The following RARB variants were observed in gnomAD, a reference collection of about 807,000 sequenced individuals.
The protein encoded by RARB is retinoic acid receptor beta.
Under a neutral mutation model 51.9 loss-of-function variants are expected in RARB, and 17 were observed. That is an observed-to-expected ratio of 0.33 (90% CI 0.22 to 0.49). The LOEUF (loss-of-function observed/expected upper bound fraction) is 0.49, where lower values mean the gene tolerates loss of function less well. Ranked by LOEUF, RARB falls within the 20% of genes least tolerant of loss-of-function variation. The pLI, the probability that RARB is intolerant of heterozygous loss-of-function variation, is 0.99. For missense variants in RARB, 369 were observed against 550.8 expected (o/e 0.67, Z 3.30); for synonymous variants, 215 against 195.4 (o/e 1.10, Z -0.84).
intron 5 of RARB, among the ~76,000 whole-genome samples, chr3:25,232,441 C>A (rs1310571535): frequency 6.6e-6 from 1 of 151,726 alleles, no homozygotes; most frequent in Non-Finnish European, 1.5e-5. Flanking sequence ...ACTTCTAATC[C>A]ATGAATCTAG....
chr3:24,888,611 A>G (rs1267301880), intron 2 of RARB, among the ~76,000 whole-genome samples: 2 of 152,278 alleles, frequency 1.3e-5, no homozygotes, highest in African/African-American at 4.8e-5. Flanking sequence ...ACGACAGTAA[A>G]AAATTTAACT....
intron 5 of RARB, among the ~76,000 whole-genome samples, chr3:25,291,961 A>G (rs2125422225): frequency 1.3e-5 from 2 of 152,292 alleles, no homozygotes; most frequent in Middle Eastern, 6.8e-3. Flanking sequence ...GGGGATTGAC[A>G]GAACCACTCC....
chr3:24,905,648 C>T (rs1694847242), intron 2 of RARB, among the ~76,000 whole-genome samples: 1 of 152,142 alleles, frequency 6.6e-6, no homozygotes, highest in Admixed American at 6.5e-5. Context: ...TTCCTTCTTC[C>T]CACCTGCTTA....
chr3:24,986,454 A>G (rs1168721853), intron 2 of RARB, among the ~76,000 whole-genome samples: 1 of 152,222 alleles, frequency 6.6e-6, no homozygotes, highest in Non-Finnish European at 1.5e-5. Flanking sequence ...AATTCTTGCT[A>G]GAGTTTTATT....
intron 5 of RARB, among the ~76,000 whole-genome samples, chr3:25,326,653 C>A (rs908538615): frequency 3.3e-5 from 5 of 152,080 alleles, no homozygotes; most frequent in African/African-American, 1.2e-4. Context: ...TTAGCATCTC[C>A]CTAGTGGATC....
At chr3:25,337,557 A>C (rs1354459019) in intron 5 of RARB, among the ~76,000 whole-genome samples, 1 of 151,952 alleles carries the variant, frequency 6.6e-6, no homozygotes, top group South Asian at 2.1e-4. Flanking sequence ...TTCCCATCTC[A>C]AGGCTTTTGC....
intron 2 of RARB, among the ~76,000 whole-genome samples, chr3:25,055,737 T>TCGAG (rs770162129): frequency 2.6e-5 from 4 of 152,054 alleles, no homozygotes; most frequent in Non-Finnish European, 4.4e-5. Flanking sequence ...TTGATCCTGC[T>TCGAG]CAGAGGCTCT....
At chr3:25,317,585 A>G (rs1382406851) in intron 5 of RARB, among the ~76,000 whole-genome samples, 1 of 152,196 alleles carries the variant, frequency 6.6e-6, no homozygotes, top group South Asian at 2.1e-4. Flanking sequence ...CTAAAATTAC[A>G]GAGACCTCAC....
chr3:25,360,946 A>G (rs1009711690), intron 5 of RARB, among the ~76,000 whole-genome samples: 19 of 152,034 alleles, frequency 1.2e-4, no homozygotes, highest in African/African-American at 4.6e-4. Flanking sequence ...GAATCTGATG[A>G]TGATGTGTCT....
chr3:25,585,527 G>A (rs1701349523), intron 5 of RARB, among the ~76,000 whole-genome samples: 1 of 152,210 alleles, frequency 6.6e-6, no homozygotes, highest in Non-Finnish European at 1.5e-5. Context: ...ATTAAACCAT[G>A]TGGGAACACA....
chr3:25,560,249 G>A (rs1700218454), intron 3 of RARB, among the ~76,000 whole-genome samples: 1 of 152,180 alleles, frequency 6.6e-6, no homozygotes, highest in Non-Finnish European at 1.5e-5. Context: ...CATTTGAAAT[G>A]CTGTAAAGTG....
intron 5 of RARB, among the ~76,000 whole-genome samples, chr3:25,286,578 G>A (rs1410386741): frequency 6.6e-6 from 1 of 152,136 alleles, no homozygotes; most frequent in East Asian, 1.9e-4. Flanking sequence ...AAAAATGTCA[G>A]TTGCTTCTCA....
intron 2 of RARB, among the ~76,000 whole-genome samples, chr3:24,879,609 G>T (rs1194427689): frequency 5.9e-5 from 9 of 151,424 alleles, no homozygotes; most frequent in Admixed American, 5.3e-4. Flanking sequence ...TTTCACTTGA[G>T]GCCAGGAGTT....
At chr3:24,870,030 C>A (rs537620149) in intron 2 of RARB, among the ~76,000 whole-genome samples, 1 of 151,958 alleles carries the variant, frequency 6.6e-6, no homozygotes, top group African/African-American at 2.4e-5. Context: ...TGAACATTTA[C>A]GCTGCATTTT....
At chr3:25,003,904 T>C (rs1368122066) in intron 2 of RARB, among the ~76,000 whole-genome samples, 1 of 152,086 alleles carries the variant, frequency 6.6e-6, no homozygotes, top group Non-Finnish European at 1.5e-5. Context: ...GCACTGAGCT[T>C]TTTCCTGGCC....
At chr3:24,959,693 T>G (rs908058234) in intron 2 of RARB, among the ~76,000 whole-genome samples, 1 of 152,102 alleles carries the variant, frequency 6.6e-6, no homozygotes, top group African/African-American at 2.4e-5. Context: ...TGGCTGAGAT[T>G]AAAACAAAAT....
chr3:25,089,302 A>G (rs533099109), intron 3 of RARB, among the ~76,000 whole-genome samples: 9 of 152,280 alleles, frequency 5.9e-5, no homozygotes, highest in African/African-American at 2.2e-4. Context: ...AAATAATGCC[A>G]AGACCAGAGT....
intron 5 of RARB, among the ~76,000 whole-genome samples, chr3:25,591,817 T>C (rs1701625530): frequency 6.6e-6 from 1 of 152,238 alleles, no homozygotes; most frequent in Admixed American, 6.5e-5. Context: ...CTCTATAGGA[T>C]GTCCTGGTGC....
intron 3 of RARB, among the ~76,000 whole-genome samples, chr3:25,563,138 G>A (rs1435842547): frequency 6.6e-6 from 1 of 152,200 alleles, no homozygotes; most frequent in Admixed American, 6.5e-5. Context: ...ATGGACACCA[G>A]GTCATCTCTT....
Sources: allele counts gnomAD v4.1 joint callset (sites outside exome capture counted in the v4.1 genomes callset), GRCh38; gene constraint gnomAD v4.1.1; transcripts MANE v1.5; gene names NCBI Gene and HGNC (gene_info 2026-07-23, HGNC 2026-07-21).